DNAH12: variants seen among roughly 807,000 people sequenced by gnomAD.
The protein encoded by DNAH12 is dynein axonemal heavy chain 12, also known as axonemal beta dynein heavy chain 12.
Under a neutral mutation model 371.5 loss-of-function variants are expected in DNAH12, and 285 were observed. The ratio of observed to expected loss-of-function variants is 0.77; its 90% CI spans 0.70 to 0.85. The LOEUF is 0.85. Ranked by LOEUF, DNAH12 falls within the 40% of genes least tolerant of loss-of-function variation. The pLI, the probability that DNAH12 is intolerant of heterozygous loss-of-function variation, is 0.00. For synonymous variants in DNAH12, 1,200 were observed against 1,213.0 expected (o/e 0.99, Z 0.22); for missense variants, 3,611 against 3,689.4 (o/e 0.98, Z 0.55).
intron 13 of DNAH12, among the ~76,000 whole-genome samples, chr3:57,481,994 T>G (rs539199571): frequency 6.6e-6 from 1 of 152,198 alleles, no homozygotes; most frequent in African/African-American, 2.4e-5. Flanking sequence ...GCAATACCAT[T>G]CAGGACATAG....
chr3:57,428,548 A>G lies in DNAH12; in HGVS notation c.5253+85T>C, dbSNP rs2064854790. 3 of 1,514,654 alleles carry G rather than the reference A, an allele frequency of 2.0e-6. No homozygotes were observed. In the East Asian group the frequency reaches 7.4e-5, roughly 37 times the overall value. 93.8% of individuals were successfully genotyped at this position (1,514,654 alleles called of 1,614,324 possible). On this transcript the variant is annotated intron_variant, in intron 34 of 73. Transcript: ENST00000495027. ...AAGGACAAACTGGTTTTAGTTATTCATTCTACCAACCACTGTGACTTTAGA... is the reference window on the plus strand; with the variant it reads ...AAGGACAAACTGGTTTTAGTTATTCGTTCTACCAACCACTGTGACTTTAGA...
chr3:57,449,527 G>T (rs1007623355), intron 25 of DNAH12, among the ~76,000 whole-genome samples: 1 of 152,208 alleles, frequency 6.6e-6, no homozygotes, highest in Non-Finnish European at 1.5e-5. Context: ...GAAATCGAGC[G>T]CAGCGCTGGT....
In DNAH12 at chr3:57,360,271, C is replaced by G. The variant is rs1038581228; in HGVS notation, c.9361-2923G>C. Among the ~76,000 whole-genome samples, 49 of 152,168 alleles carry G rather than the reference C, an allele frequency of 3.2e-4. No homozygotes were observed. The East Asian group carries it at 5.6e-3, about 17-fold the overall frequency. ...CTAAGACCCTACTCCTTTGGCTCCC[C>G]CAAGATGAAAAACCCAAAACAAAAC... On this transcript the variant is annotated intron_variant, in intron 58 of 73. Transcript: ENST00000495027.
chr3:57,417,749 G>A (rs1228166759), intron 37 of DNAH12, among the ~76,000 whole-genome samples: 1 of 152,140 alleles, frequency 6.6e-6, no homozygotes, highest in African/African-American at 2.4e-5. Flanking sequence ...ATAGTCATCA[G>A]ATCCACTGAC....
intron 2 of DNAH12, chr3:57,530,262 T>C (rs867843843): frequency 7.8e-6 from 2 of 257,332 alleles, no homozygotes; most frequent in Non-Finnish European, 1.5e-5. Context: ...TTATATCTTA[T>C]TATACTTTCT....
intron 12 of DNAH12, among the ~76,000 whole-genome samples, chr3:57,486,417 T>G (rs565096420): frequency 6.6e-6 from 1 of 151,678 alleles, no homozygotes; most frequent in Non-Finnish European, 1.5e-5. Flanking sequence ...TAAATTTTTT[T>G]TAATTTTAAG....
chr3:57,421,923 T>TTTTTTTTTTC (rs2064598343), intron 35 of DNAH12, among the ~76,000 whole-genome samples: 1 of 146,852 alleles, frequency 6.8e-6, no homozygotes, highest in African/African-American at 2.6e-5. Flanking sequence ...TTTTTTTTTT[T>TTTTTTTTTTC]GAGACAGCGC....
At position 57,296,388 on chromosome 3, in the gene DNAH12, A is replaced by G. The variant is rs1335434963; in HGVS notation, c.11580T>C (p.Tyr3860=). The G allele has an allele frequency of 3.9e-6, 6 of 1,551,212 alleles. No individual in the cohort carries two copies. Among genetic ancestry groups the G allele is most frequent in the South Asian group, 3.6e-5 (3 of 83,966 alleles). ...CGCCATCGAGATACAGTCCGTGGAT[A>G]TAAACACCATCTTCTGGTGATGTGT... ...TSDTSPEDGV[Y]IHGLYLDGAR... is the part of the protein sequence containing the mutation. The change falls in exon 72 of 74, where the codon TAT becomes TAC. Residue 3860 remains tyrosine (Y), a synonymous_variant. Transcript: ENST00000495027.
rs557384785 is a variant in DNAH12 at position 57,343,088 on chromosome 3, A to G, written c.9675-8148T>C. On this transcript the variant is annotated intron_variant, in intron 60 of 73. Coordinates refer to ENST00000495027, the MANE Select transcript of DNAH12 (RefSeq NM_001366028.2). ...CTCTGTCTCAAAAGAAAAAAAAAAT[A>G]GGCAAATGATCTGAACAGACAGTTC... Among the ~76,000 whole-genome samples the G allele has an allele frequency of 2.1e-4, 32 of 151,748 alleles. No individual in the cohort carries two copies. The South Asian group carries it at 6.7e-3, about 32-fold the overall frequency.
intron 70 of DNAH12, among the ~76,000 whole-genome samples, chr3:57,298,606 C>T (rs2061281541): frequency 6.6e-6 from 1 of 152,204 alleles, no homozygotes; most frequent in African/African-American, 2.4e-5. Flanking sequence ...CAAAGTGGTA[C>T]AGTGCTTTTT....
chr3:57,399,632 CT>C (rs1403858734), intron 43 of DNAH12, among the ~76,000 whole-genome samples: 1 of 152,134 alleles, frequency 6.6e-6, no homozygotes, highest in Non-Finnish European at 1.5e-5. Context: ...CAGTTGACCA[CT>C]GAACAACACA....
At chr3:57,303,358 AAG>A (rs1202440224) in intron 69 of DNAH12, among the ~76,000 whole-genome samples, 1 of 150,768 alleles carries the variant, frequency 6.6e-6, no homozygotes, top group Non-Finnish European at 1.5e-5. Flanking sequence ...AAAAAAAAAA[AAG>A]ATACCCTCTC....
At chr3:57,312,457 A>C (rs559021841) in intron 66 of DNAH12, among the ~76,000 whole-genome samples, 3 of 152,322 alleles carry the variant, frequency 2.0e-5, no homozygotes, top group African/African-American at 7.2e-5. Flanking sequence ...CTGTCTTTCC[A>C]CTTAGCCCCA....
intron 2 of DNAH12, among the ~76,000 whole-genome samples, chr3:57,534,915 ACTTAT>A (rs2068977659): frequency 6.6e-6 from 1 of 152,086 alleles, no homozygotes; most frequent in Admixed American, 6.6e-5. Flanking sequence ...GTTCATGTTT[ACTTAT>A]CTGGTTCCTT....
chr3:57,542,336 G>A (rs575622593), intron 2 of DNAH12, among the ~76,000 whole-genome samples: 1 of 152,298 alleles, frequency 6.6e-6, no homozygotes, highest in East Asian at 1.9e-4. Flanking sequence ...GAGGAATAAT[G>A]TGGTGCTTAA....
intron 45 of DNAH12, among the ~76,000 whole-genome samples, chr3:57,390,450 T>TATATATATAC (rs1559608977): frequency 2.2e-5 from 1 of 46,504 alleles, no homozygotes; most frequent in African/African-American, 4.6e-5. Context: ...TATATATATA[T>TATATATATAC]ACTTAGACCA....
In DNAH12 at chr3:57,501,358, A is replaced by G. The variant is rs62258440; in HGVS notation, c.1298T>C (p.Phe433Ser). Residue 433 changes from phenylalanine to serine, a missense_variant, in exon 11 of 74, where the codon TTT (phenylalanine) becomes TCT (serine). Around this residue, in one of 3 missense-constraint regions of DNAH12, gnomAD observed 1,314 missense variants for 1,398.7 expected, o/e 0.94. Coordinates refer to ENST00000495027, the MANE Select transcript of DNAH12 (RefSeq NM_001366028.2). ...ATCAAAAGTATGATCTTCTGTCTGA[A>G]AAGTCTCTATATTCTCAACTGCAGT... ...DGTAVENIET[F>S]QTEDHTFDEY... is the part of the protein sequence containing the mutation. 396 of 1,597,078 alleles carry G rather than the reference A, an allele frequency of 2.5e-4. No individual in the cohort carries two copies. Among genetic ancestry groups the G allele is most frequent in the Non-Finnish European group, 3.1e-4 (369 of 1,175,454 alleles).
rs775652688 is a variant in DNAH12 at position 57,493,181 on chromosome 3, TA to T, written c.1336-3495del. Among the ~76,000 whole-genome samples the T allele has an allele frequency of 1.5e-4, 23 of 152,154 alleles. 1 individual carries two copies. The highest frequency in any genetic ancestry group is 8.3e-4 in the South Asian group (4 of 4,828). Reference sequence around the variant, plus strand: ...CATAGCACTATATTGAGATATATGGTAAAATACAAATTAAAGAGAATACAGT... The same window carrying T: ...CATAGCACTATATTGAGATATATGGTAAATACAAATTAAAGAGAATACAGT... On this transcript the variant is annotated intron_variant, in intron 11 of 73. Coordinates refer to ENST00000495027, the MANE Select transcript of DNAH12 (RefSeq NM_001366028.2).
At chr3:57,431,265 T>G (rs933416948) in intron 32 of DNAH12, among the ~76,000 whole-genome samples, 2 of 152,124 alleles carry the variant, frequency 1.3e-5, no homozygotes, top group Non-Finnish European at 2.9e-5. Context: ...CCCTCCTCAA[T>G]AGCTAAAGTC....
Sources: allele counts gnomAD v4.1 joint callset (sites outside exome capture counted in the v4.1 genomes callset), GRCh38; gene constraint gnomAD v4.1.1; regional missense constraint gnomAD v4.1.1; transcripts MANE v1.5; gene names NCBI Gene and HGNC (gene_info 2026-07-23, HGNC 2026-07-21).